MAP4K5: variants seen among roughly 807,000 people sequenced by gnomAD.
MAP4K5 encodes the protein mitogen-activated protein kinase kinase kinase kinase 5.
A neutral mutation model predicts 135.6 loss-of-function variants in MAP4K5; 82 were observed. The observed-to-expected ratio is 0.60, with a 90% CI of 0.51 to 0.73. The LOEUF (loss-of-function observed/expected upper bound fraction) is 0.73, where lower values mean the gene tolerates loss of function less well. Among genes scored for constraint, MAP4K5 ranks in the 30% least tolerant of loss-of-function variants. The pLI is 0.00. For missense variants in MAP4K5, 907 were observed against 1,010.9 expected, an observed-to-expected ratio of 0.90 and a Z score of 1.39; for synonymous variants, 347 against 335.0, an observed-to-expected ratio of 1.04 and a Z score of -0.39.
At chr14:50,483,615 T>C (rs2037299825) in intron 5 of MAP4K5, among the ~76,000 whole-genome samples, 1 of 148,490 alleles carries the variant, frequency 6.7e-6, no homozygotes, top group African/African-American at 2.4e-5. Flanking sequence ...GGATGGGTAC[T>C]TCTTAGGTTC....
At position 50,441,405 on chromosome 14, in the gene MAP4K5, A is replaced by G. The variant is rs577188327; in HGVS notation, c.1565-964T>C. On this transcript the variant is annotated intron_variant, in intron 21 of 32. Coordinates refer to ENST00000682126, the MANE Select transcript of MAP4K5 (RefSeq NM_006575.6). ...CTGATATGATGTACTGAGAAGATGC[A>G]CAGTAACATTTCTGTGTTATTCCCA... Among the ~76,000 whole-genome samples, 5 of 152,270 alleles carry G rather than the reference A, an allele frequency of 3.3e-5. No individual in the cohort carries two copies. In the East Asian group the frequency reaches 9.6e-4, roughly 29 times the overall value.
intron 14 of MAP4K5, among the ~76,000 whole-genome samples, chr14:50,453,912 T>A (rs566438723): frequency 5.3e-5 from 8 of 152,282 alleles, no homozygotes; most frequent in African/African-American, 1.9e-4. Flanking sequence ...ACTACACATT[T>A]GCCCCTGGTG....
chr14:50,560,232 A>G, intron 1 of MAP4K5: 1 of 1,613,094 alleles, frequency 6.2e-7, no homozygotes, highest in Non-Finnish European at 8.5e-7. Flanking sequence ...GAGCGCAGTG[A>G]CAGCGCCTCA....
At chr14:50,495,417 TA>T (rs2037571340) in intron 3 of MAP4K5, among the ~76,000 whole-genome samples, 1 of 151,948 alleles carries the variant, frequency 6.6e-6, no homozygotes, top group South Asian at 2.1e-4. Flanking sequence ...AAGCAGAAAA[TA>T]AAACTGGTTA....
chr14:50,530,250 C>T (rs1469419967), intron 2 of MAP4K5, among the ~76,000 whole-genome samples: 1 of 152,114 alleles, frequency 6.6e-6, no homozygotes, highest in Non-Finnish European at 1.5e-5. Flanking sequence ...GGCAGGAAGG[C>T]ACCAGGGTAA....
At chr14:50,537,414 G>A (rs552398823), upstream of MAP4K5, among the ~76,000 whole-genome samples, 2 of 152,344 alleles carry the variant, frequency 1.3e-5, no homozygotes, top group South Asian at 2.1e-4. Context: ...TGCTAGGGTG[G>A]TGCGAAAGGG....
intron 6 of MAP4K5, among the ~76,000 whole-genome samples, chr14:50,478,371 C>T (rs1488566985): frequency 6.6e-6 from 1 of 151,962 alleles, no homozygotes; most frequent in East Asian, 1.9e-4. Context: ...ATTTCACTGA[C>T]ATTCTCTATT....
chr14:50,517,341 G>A (rs918931311), intron 2 of MAP4K5, among the ~76,000 whole-genome samples: 13 of 151,496 alleles, frequency 8.6e-5, no homozygotes, highest in Admixed American at 5.9e-4. Context: ...TAGTGGAGAC[G>A]GGGTTTCACC....
chr14:50,439,333 TAA>T (rs377755870), intron 23 of MAP4K5, among the ~76,000 whole-genome samples: 16 of 90,320 alleles, frequency 1.8e-4, no homozygotes, highest in Non-Finnish European at 2.9e-4. Flanking sequence ...AGGTAAGAAT[TAA>T]AAAAAAAAAA....
intron 31 of MAP4K5, among the ~76,000 whole-genome samples, chr14:50,425,204 G>A (rs983950994): frequency 1.3e-5 from 2 of 152,132 alleles, no homozygotes; most frequent in African/African-American, 4.8e-5. Flanking sequence ...TCAAATTGGA[G>A]GCCCAAATCC....
chr14:50,498,770 C>T (rs1013203230), intron 3 of MAP4K5, among the ~76,000 whole-genome samples: 1 of 152,046 alleles, frequency 6.6e-6, no homozygotes, highest in Non-Finnish European at 1.5e-5. Flanking sequence ...TTATGTATTA[C>T]CAGACATAAG....
rs117757499 is a variant in MAP4K5 at position 50,421,834 on chromosome 14, T to C, written c.2453+1287A>G. ...GCCAACCCTCTACCAAGCTGAATTC[T>C]CTCACACTTGGTTTCATTAAAGGAT... On this transcript the variant is annotated intron_variant, in intron 32 of 32. Transcript: ENST00000682126. Among the ~76,000 whole-genome samples, 7 of 151,548 alleles carry C rather than the reference T, an allele frequency of 4.6e-5. No individual in the cohort carries two copies. The East Asian group carries it at 1.2e-3, about 25-fold the overall frequency.
At chr14:50,521,370 G>T (rs1003697040) in intron 2 of MAP4K5, among the ~76,000 whole-genome samples, 14 of 152,192 alleles carry the variant, frequency 9.2e-5, no homozygotes, top group African/African-American at 3.1e-4. Flanking sequence ...AGGACTATGT[G>T]TAGAGTAGTG....
intron 15 of MAP4K5, among the ~76,000 whole-genome samples, chr14:50,447,761 TAAAAG>T (rs2036389050): frequency 6.6e-6 from 1 of 152,118 alleles, no homozygotes. Flanking sequence ...AAGCAAACAA[TAAAAG>T]AAAACAACTG....
chr14:50,438,230 T>A, intron 23 of MAP4K5, 136 bp from the exon 24 acceptor site: 1 of 496,428 alleles, frequency 2.0e-6, no homozygotes, highest in South Asian at 2.1e-5. Context: ...TAATTCAGAA[T>A]ATATAAATTA....
At chr14:50,544,870 G>C (rs1316723754) in intron 1 of MAP4K5, among the ~76,000 whole-genome samples, 1 of 147,618 alleles carries the variant, frequency 6.8e-6, no homozygotes, top group Non-Finnish European at 1.5e-5. Flanking sequence ...CTGGGAGATG[G>C]ATGCTGCAAT....
At chr14:50,450,295 C>CTGTATATATGTCTGTATA (rs1212971495) in intron 14 of MAP4K5, 1 of 152,144 alleles carries the variant, frequency 6.6e-6, no homozygotes, top group East Asian at 1.9e-4. Context: ...AAACAGCTAT[C>CTGTATATATGTCTGTATA]TACATGTAAA....
chr14:50,511,585 GATA>G (rs1014843882), intron 2 of MAP4K5, among the ~76,000 whole-genome samples: 3 of 152,002 alleles, frequency 2.0e-5, no homozygotes, highest in African/African-American at 7.2e-5. Context: ...ACAAAGAAAG[GATA>G]ATGTTTAAGA....
At chr14:50,558,452 A>G (rs951943405) in intron 1 of MAP4K5, among the ~76,000 whole-genome samples, 8 of 152,230 alleles carry the variant, frequency 5.3e-5, no homozygotes, top group African/African-American at 1.9e-4. Flanking sequence ...TGGATGCTAA[A>G]ATCAGTGGAT....
Sources: gnomAD v4.1 joint callset for allele counts (sites outside exome capture counted in the v4.1 genomes callset) on GRCh38, gnomAD v4.1.1 for gene constraint, MANE v1.5 for transcripts, NCBI Gene and HGNC (gene_info 2026-07-23, HGNC 2026-07-21) for gene names.